The following MEGF8 variants were observed in gnomAD, a reference collection of about 807,000 sequenced individuals.
MEGF8 encodes the protein multiple EGF like domains 8.
MEGF8 carries 156 observed loss-of-function variants against 302.9 expected under a neutral mutation model. The observed-to-expected ratio is 0.52, with a 90% confidence interval of 0.45 to 0.59. The LOEUF (loss-of-function observed/expected upper bound fraction) is 0.59. Ranked by LOEUF, MEGF8 falls within the 20% of genes least tolerant of loss-of-function variation. MEGF8 has a pLI of 0.00. For missense variants in MEGF8, 3,345 were observed against 3,964.5 expected (o/e 0.84, Z 4.20); for synonymous variants, 1,621 against 1,660.5 (o/e 0.98, Z 0.58).
Position 42,362,139 on chromosome 19 carries a change from G to A in MEGF8, c.5770G>A (p.Glu1924Lys), listed in dbSNP as rs1248247868. Residue 1924 changes from glutamate (E) to lysine (K), a missense_variant, in exon 33 of 42, where the codon GAA becomes AAA. Transcript: ENST00000251268. Reference protein sequence around the residue: ...PCSPMPRSPEECRRLRTCSEC... With the variant: ...PCSPMPRSPEKCRRLRTCSEC... ...CTCCCCAATGCCTCGCTCCCCGGAG[G>A]AATGTCGACGTCTCCGGACCTGCAG... 6 of 1,612,298 alleles carry A rather than the reference G, an allele frequency of 3.7e-6. No individual in the cohort carries two copies. Among genetic ancestry groups the A allele is most frequent in the Non-Finnish European group, 5.1e-6 (6 of 1,179,492 alleles).
Position 42,354,045 on chromosome 19 carries a change from G to A in MEGF8, c.4011+21G>A, listed in dbSNP as rs776374891. 12 of 1,579,746 alleles carry A rather than the reference G, an allele frequency of 7.6e-6. No individual in the cohort carries two copies. The Admixed American group carries it at 8.9e-5, about 12-fold the overall frequency. Reference sequence around the variant, plus strand: ...GCACGGTGAGCACTGAGGAAACGAGGGTTCAGGCGCATGAGCCAGAACCGT... The same window carrying A: ...GCACGGTGAGCACTGAGGAAACGAGAGTTCAGGCGCATGAGCCAGAACCGT... On this transcript the variant is annotated intron_variant, in intron 22 of 41. Coordinates refer to ENST00000251268, the MANE Select transcript of MEGF8 (RefSeq NM_001271938.2). This position sits in a 1 kb window ranked among gnomAD's most constrained non-coding sequence, Gnocchi z 4.3.
intron 41 of MEGF8, among the ~76,000 whole-genome samples, chr19:42,372,063 C>A (rs2039699215): frequency 6.7e-6 from 1 of 149,240 alleles, no homozygotes; most frequent in Non-Finnish European, 1.5e-5. Context: ...ACAACAACAA[C>A]AACAACAACA....
intron 8 of MEGF8, among the ~76,000 whole-genome samples, chr19:42,339,205 T>C (rs1403003194): frequency 6.6e-6 from 1 of 152,190 alleles, no homozygotes; most frequent in African/African-American, 2.4e-5. Flanking sequence ...TTGTGAACAG[T>C]GCTGCTTTGA....
In MEGF8 at chr19:42,357,691, C is replaced by T. The variant is rs143380412; in HGVS notation, c.5011+107C>T. 8,212 of 1,016,430 alleles carry T rather than the reference C, an allele frequency of 8.1e-3. 56 individuals are homozygous for T. The highest frequency in any genetic ancestry group is 9.7e-3 in the Non-Finnish European group (6,854 of 707,334). 63.0% of individuals were successfully genotyped at this position (1,016,430 alleles called of 1,614,324 possible). A position where few individuals can be genotyped will look rare whatever the true frequency, so the allele number is the denominator to read the frequency against. On this transcript the variant is annotated intron_variant, in intron 28 of 41. Coordinates refer to ENST00000251268, the MANE Select transcript of MEGF8 (RefSeq NM_001271938.2). The surrounding 1 kb of genome is among the most constrained non-coding windows in gnomAD (Gnocchi z 5.2). ...GTGCTCTGTGGCCACCTGTCTCCCT[C>T]TCTTTCCCATCCCCATGCAGATTCT...
At position 42,369,688 on chromosome 19, in the gene MEGF8, C is replaced by T. The variant is rs1568576351; in HGVS notation, c.6799C>T (p.Arg2267Cys). Residue 2267 changes from arginine to cysteine, a missense_variant, in exon 38 of 42, where the codon CGT (arginine) becomes TGT (cysteine). Coordinates refer to ENST00000251268, the MANE Select transcript of MEGF8 (RefSeq NM_001271938.2). This position sits in a 1 kb window ranked among gnomAD's most constrained non-coding sequence, Gnocchi z 5.7. ...CAGTGAATGCGCTGGTGTTGGGGCG[C>T]GTGACCACTGCTTGCTCTGCCGCAA... The part of the protein sequence containing the change: ...RHSECAGVGA[R>C]DHCLLCRNHT... The T allele has an allele frequency of 1.9e-6, 3 of 1,611,534 alleles. No homozygotes were observed. The highest frequency in any genetic ancestry group is 2.5e-6 in the Non-Finnish European group (3 of 1,179,360).
rs570269386 is a variant in MEGF8 at position 42,377,105 on chromosome 19, T to C, written c.*330T>C. ...GCATACACACATGAACACATGCACA[T>C]GTGCACACACAAGTAAGATGGCTTC... On this transcript the variant is annotated 3_prime_UTR_variant, in exon 42 of 42. Transcript: ENST00000251268. The C allele has an allele frequency of 9.9e-6, 3 of 301,680 alleles. No individual in the cohort carries two copies. The highest frequency in any genetic ancestry group is 5.1e-5 in the Admixed American group (1 of 19,758). 18.7% of individuals were successfully genotyped at this position (301,680 alleles called of 1,614,324 possible).
In MEGF8 at chr19:42,336,060, C is replaced by A; in HGVS notation, c.958C>A (p.Leu320Ile). The change falls in exon 6 of 42, where the codon CTC becomes ATC. Residue 320 changes from leucine (L) to isoleucine (I), a missense_variant. Leu to Ile is a conservative substitution (Grantham distance 5). Coordinates refer to ENST00000251268, the MANE Select transcript of MEGF8 (RefSeq NM_001271938.2). This position sits in a 1 kb window ranked among gnomAD's most constrained non-coding sequence, Gnocchi z 4.8. ...TCCACTGGGCAGGGGCCACTGGGAG[C>A]TCCTGGCACCACCTGCCTCCAGCTC... ...FSPLGRGHWE[L>I]LAPPASSSSG... The A allele has an allele frequency of 6.3e-7, 1 of 1,588,758 alleles. No individual in the cohort carries two copies. The highest frequency in any genetic ancestry group is 2.3e-5 in the East Asian group (1 of 44,060).
Position 42,351,665 on chromosome 19 carries a change from G to A in MEGF8, c.3005G>A (p.Arg1002Gln), listed in dbSNP as rs372885044. 20 of 1,590,626 alleles carry A rather than the reference G, an allele frequency of 1.3e-5. No individual in the cohort carries two copies. In the African/African-American group the frequency reaches 1.3e-4, roughly 11 times the overall value. Residue 1002 changes from arginine to glutamine, a missense_variant, in exon 18 of 42, where the codon CGG becomes CAG. Transcript: ENST00000251268. This position sits in a 1 kb window ranked among gnomAD's most constrained non-coding sequence, Gnocchi z 5.6. ...GWDDSVHSEP[R>Q]CRSCDGFLTC... is the part of the protein sequence containing the mutation. Reference sequence around the variant, plus strand: ...TCCTGCAGTGTACACTCGGAGCCACGGTGCCGGAGCTGCGATGGCTTCCTG... The same window carrying A: ...TCCTGCAGTGTACACTCGGAGCCACAGTGCCGGAGCTGCGATGGCTTCCTG...
rs1472106583 is a variant in MEGF8 at position 42,362,528 on chromosome 19, G to A, written c.5989G>A (p.Gly1997Arg). The change falls in exon 34 of 42, where the codon GGG becomes AGG. Residue 1997 changes from glycine (G) to arginine (R), a missense_variant. Gly to Arg is a moderately radical substitution (Grantham distance 125, BLOSUM62 -2). Coordinates refer to ENST00000251268, the MANE Select transcript of MEGF8 (RefSeq NM_001271938.2). ...WAGNCSEAAC[G>R]AADCEQCTRE... The stretch of plus-strand genomic sequence containing the variant: ...AGGGAACTGCTCCGAGGCTGCGTGC[G>A]GGGCTGCTGACTGCGAGCAGTGCAC... The A allele has an allele frequency of 6.2e-7, 1 of 1,613,718 alleles. No individual in the cohort carries two copies. The highest frequency in any genetic ancestry group is 8.5e-7 in the Non-Finnish European group (1 of 1,179,896).
intron 1 of MEGF8, among the ~76,000 whole-genome samples, chr19:42,329,879 A>G (rs1270201392): frequency 6.6e-6 from 1 of 151,882 alleles, no homozygotes; most frequent in Non-Finnish European, 1.5e-5. Context: ...CTCAGGGAAA[A>G]AAAAAAAAAA....
At chr19:42,362,644 C>G (rs780221701) in intron 34 of MEGF8, 47 bp downstream of exon 34, 18 of 1,564,242 alleles carry the variant, frequency 1.2e-5, no homozygotes, top group Non-Finnish European at 8.6e-7. Flanking sequence ...GGGGCCTGGA[C>G]TCCTGGGTCT....
rs756293283 is a variant in MEGF8, at chr19:42,363,223, G to T, written c.6234G>T (p.Gly2078=). ...TSCLDSKGAD[G]GWQHCVWSSS... ...GCCTGGACTCTAAGGGAGCAGATGG[G>T]GGCTGGCAGCACTGTGTTTGGAGCA... is the stretch of plus-strand genomic sequence containing the variant. Residue 2078 remains glycine (G), a synonymous_variant, in exon 35 of 42, where the codon GGG becomes GGT. Coordinates refer to ENST00000251268, the MANE Select transcript of MEGF8 (RefSeq NM_001271938.2). 1 of 1,609,366 alleles carries T rather than the reference G, an allele frequency of 6.2e-7. No individual in the cohort carries two copies. The highest frequency in any genetic ancestry group is 8.5e-7 in the Non-Finnish European group (1 of 1,178,100).
chr19:42,340,281 G>A (rs538930952), intron 8 of MEGF8, among the ~76,000 whole-genome samples: 4 of 152,208 alleles, frequency 2.6e-5, no homozygotes. Context: ...CCAGACTGAA[G>A]TGCAGTGGTG....
chr19:42,347,880 A>G (rs1055588405), intron 12 of MEGF8, among the ~76,000 whole-genome samples: 1 of 152,016 alleles, frequency 6.6e-6, no homozygotes, highest in Non-Finnish European at 1.5e-5. Flanking sequence ...CTCTTCTGCT[A>G]TTACAAAATC....
In MEGF8 at chr19:42,343,929, C is replaced by T. The variant is rs376393335; in HGVS notation, c.1669-25C>T. ...CTCCTCCTCCGTCCCCTTGCCTCCC[C>T]CTCTGTCCCCTTGCCTCCCTGCAGT... On this transcript the variant is annotated intron_variant, in intron 9 of 41. Transcript: ENST00000251268. 31 of 1,608,852 alleles carry T rather than the reference C, an allele frequency of 1.9e-5. No individual in the cohort carries two copies. In the East Asian group the frequency reaches 2.5e-4, roughly 13 times the overall value.
In MEGF8 at chr19:42,369,098, G is replaced by C; in HGVS notation, c.6641+96G>C. 6.8e-7 allele frequency: 1 copy of C among 1,473,326 alleles called. No homozygotes were observed. The highest frequency in any genetic ancestry group is 9.1e-7 in the Non-Finnish European group (1 of 1,099,988). The allele number at this position is 1,473,326 out of a possible 1,614,324, so 91.3% of individuals were successfully genotyped here. On this transcript the variant is annotated intron_variant, in intron 37 of 41. Coordinates refer to ENST00000251268, the MANE Select transcript of MEGF8 (RefSeq NM_001271938.2). This position sits in a 1 kb window ranked among gnomAD's most constrained non-coding sequence, Gnocchi z 5.7. ...AGGCCTAGAGCCAAGCAGGACAGAA[G>C]AAAAGAAAGCTCGAGGCATGAAGGC...
At chr19:42,348,623 A>G (rs2039324313) in intron 13 of MEGF8, among the ~76,000 whole-genome samples, 151 bp downstream of exon 13, 1 of 152,186 alleles carries the variant, frequency 6.6e-6, no homozygotes. Context: ...TGTGTAAGAC[A>G]GAGTCTCACT....
chr19:42,362,554 G>C lies in MEGF8; in HGVS notation c.6015G>C (p.Thr2005=), dbSNP rs777039692. The C allele has an allele frequency of 3.7e-6, 6 of 1,613,314 alleles. No homozygotes were observed. Among genetic ancestry groups the C allele is most frequent in the Non-Finnish European group, 5.1e-6 (6 of 1,179,904 alleles). ...ACGAADCEQC[T]REGKCMWTRQ... ...GGGCTGCTGACTGCGAGCAGTGCAC[G>C]CGGGAGGGCAAGTGCATGTGGACGC... is the stretch of plus-strand genomic sequence containing the variant. The change falls in exon 34 of 42, where the codon ACG becomes ACC. Residue 2005 remains threonine, a synonymous_variant. Coordinates refer to ENST00000251268, the MANE Select transcript of MEGF8 (RefSeq NM_001271938.2).
intron 8 of MEGF8, among the ~76,000 whole-genome samples, chr19:42,342,231 G>T (rs2039224775): frequency 6.6e-6 from 1 of 152,236 alleles, no homozygotes; most frequent in Non-Finnish European, 1.5e-5. Flanking sequence ...CACGTTTACA[G>T]TGCACGCAGG....
Sources: allele counts gnomAD v4.1 joint callset (sites outside exome capture counted in the v4.1 genomes callset), GRCh38; gene constraint gnomAD v4.1.1; non-coding constraint Gnocchi (gnomAD v3.1); transcripts MANE v1.5; gene names NCBI Gene and HGNC (gene_info 2026-07-23, HGNC 2026-07-21).